TRIM44: variants seen among roughly 807,000 people sequenced by gnomAD.
TRIM44 encodes tripartite motif-containing protein 44.
A neutral mutation model predicts 37.4 loss-of-function variants in TRIM44; 13 were observed. That is an observed-to-expected ratio of 0.35 (90% CI 0.23 to 0.55). The LOEUF (loss-of-function observed/expected upper bound fraction) is 0.55. TRIM44 is among the 20% of genes least tolerant of loss of function. TRIM44 has a pLI of 0.89. For missense variants in TRIM44, 426 were observed against 437.2 expected (o/e 0.97, Z 0.23); for synonymous variants, 175 against 157.2 (o/e 1.11, Z -0.85).
chr11:35,760,923 C>G (rs1852716687), intron 4 of TRIM44, among the ~76,000 whole-genome samples: 1 of 152,112 alleles, frequency 6.6e-6, no homozygotes, highest in Non-Finnish European at 1.5e-5. Context: ...ATTTTATATC[C>G]TTTGGCCAAC....
At chr11:35,781,816 A>G (rs1375485013) in intron 4 of TRIM44, among the ~76,000 whole-genome samples, 1 of 152,234 alleles carries the variant, frequency 6.6e-6, no homozygotes, top group Non-Finnish European at 1.5e-5. Context: ...TTTTAAAATG[A>G]TAAAAGTCAC....
chr11:35,765,028 A>C (rs991422438), intron 4 of TRIM44, among the ~76,000 whole-genome samples: 1 of 152,160 alleles, frequency 6.6e-6, no homozygotes, highest in Admixed American at 6.6e-5. Flanking sequence ...TTCTGACATG[A>C]TATCGAAAGA....
At chr11:35,790,735 A>G (rs1248309770) in intron 4 of TRIM44, among the ~76,000 whole-genome samples, 2 of 152,186 alleles carry the variant, frequency 1.3e-5, no homozygotes, top group Non-Finnish European at 2.9e-5. Context: ...CAGATTTCAT[A>G]TAGTTCAGAC....
At chr11:35,775,303 T>A in intron 4 of TRIM44, among the ~76,000 whole-genome samples, 1 of 152,210 alleles carries the variant, frequency 6.6e-6, no homozygotes, top group Non-Finnish European at 1.5e-5. Flanking sequence ...TGCTTGTGAT[T>A]TTTACACATT....
chr11:35,711,560 G>C (rs1422569974), intron 2 of TRIM44, among the ~76,000 whole-genome samples: 2 of 150,638 alleles, frequency 1.3e-5, no homozygotes, highest in Admixed American at 6.6e-5. Context: ...TTAAAGTGTT[G>C]AGTACATTAA....
In TRIM44 at chr11:35,663,471, G is replaced by C; in HGVS notation, c.360G>C (p.Glu120Asp). The change falls in exon 1 of 5, where the codon GAG becomes GAC. Residue 120 changes from glutamate to aspartate, a missense_variant. Physicochemically the swap from Glu to Asp is conservative, Grantham distance 45. Coordinates refer to ENST00000299413, the MANE Select transcript of TRIM44 (RefSeq NM_017583.6). ...ESETEEESEDESDEESEEDSE... is the reference protein window; with the variant it reads ...ESETEEESEDDSDEESEEDSE... ...AGACAGAGGAAGAGAGTGAGGATGA[G>C]AGCGATGAGGAGAGTGAAGAAGACA... 3 of 1,566,124 alleles carry C rather than the reference G, an allele frequency of 1.9e-6. No homozygotes were observed. Among genetic ancestry groups the C allele is most frequent in the Non-Finnish European group, 1.7e-6 (2 of 1,154,860 alleles).
intron 4 of TRIM44, among the ~76,000 whole-genome samples, chr11:35,754,569 T>A (rs1322663217): frequency 6.6e-6 from 1 of 152,128 alleles, no homozygotes; most frequent in East Asian, 1.9e-4. Context: ...ATTAGTTACA[T>A]GTGTATACAT....
At chr11:35,686,089 C>G (rs1317357228) in intron 2 of TRIM44, among the ~76,000 whole-genome samples, 1 of 152,096 alleles carries the variant, frequency 6.6e-6, no homozygotes, top group Non-Finnish European at 1.5e-5. Flanking sequence ...TACTTTTTTC[C>G]TCATGACCTG....
rs1223003812 is a variant in TRIM44 at position 35,806,969 on chromosome 11, T to G, written c.*584T>G. Reference sequence around the variant, plus strand: ...AAGAGTTAAAGATGAGGAAGAGATATTTTTAGTATATGAAGTTATCCAGGA... The same window carrying G: ...AAGAGTTAAAGATGAGGAAGAGATAGTTTTAGTATATGAAGTTATCCAGGA... On this transcript the variant is annotated 3_prime_UTR_variant, in exon 5 of 5. Transcript: ENST00000299413. 6.6e-6 allele frequency: 1 copy of G among 152,426 alleles called. No individual in the cohort carries two copies. The allele number at this position is 152,426 out of a possible 1,614,324, so 9.4% of individuals were successfully genotyped here.
intron 2 of TRIM44, among the ~76,000 whole-genome samples, chr11:35,704,583 C>G (rs999589183): frequency 2.6e-4 from 40 of 152,152 alleles, no homozygotes; most frequent in African/African-American, 9.2e-4. Context: ...CTCTACAAGC[C>G]AGAAGAGAGT....
intron 4 of TRIM44, among the ~76,000 whole-genome samples, chr11:35,757,690 T>C (rs1036611523): frequency 2.0e-5 from 3 of 152,236 alleles, no homozygotes; most frequent in Non-Finnish European, 2.9e-5. Flanking sequence ...GAGATTCTGG[T>C]ATGCTGTGTC....
intron 2 of TRIM44, among the ~76,000 whole-genome samples, chr11:35,692,167 G>A (rs1449227322): frequency 6.6e-6 from 1 of 152,010 alleles, no homozygotes; most frequent in Admixed American, 6.6e-5. Context: ...TCCTTGCAGT[G>A]GTTTGTAAAC....
Position 35,663,014 on chromosome 11 carries a change from T to G in TRIM44, c.-98T>G, listed in dbSNP as rs565519921. The G allele has an allele frequency of 7.0e-7, 1 of 1,429,408 alleles. No homozygotes were observed. The highest frequency in any genetic ancestry group is 2.5e-5 in the East Asian group (1 of 39,638). The allele number at this position is 1,429,408 out of a possible 1,614,324, so 88.5% of individuals were successfully genotyped here. ...GCGGTCCAGGCGGGAGGCGACTCCC[T>G]AGGAAGGGACCCGGGGCGGGAGGAG... On this transcript the variant is annotated 5_prime_UTR_variant, in exon 1 of 5. Coordinates refer to ENST00000299413, the MANE Select transcript of TRIM44 (RefSeq NM_017583.6).
rs1853458418 is a variant in TRIM44 at position 35,806,847 on chromosome 11, T to C, written c.*462T>C. 2 of 158,444 alleles carry C rather than the reference T, an allele frequency of 1.3e-5. No individual in the cohort carries two copies. The highest frequency in any genetic ancestry group is 1.2e-4 in the Admixed American group (2 of 16,358). 9.8% of individuals were successfully genotyped at this position (158,444 alleles called of 1,614,324 possible). On this transcript the variant is annotated 3_prime_UTR_variant, in exon 5 of 5. Transcript: ENST00000299413. ...TAAATGAGAGCAAGGTAGGGCCAAATTAACTCTTGTGGACAGTCCCTAAAA... is the reference window on the plus strand; with the variant it reads ...TAAATGAGAGCAAGGTAGGGCCAAACTAACTCTTGTGGACAGTCCCTAAAA...
chr11:35,734,894 A>G (rs1852309960), intron 3 of TRIM44, among the ~76,000 whole-genome samples: 2 of 152,236 alleles, frequency 1.3e-5, no homozygotes, highest in Non-Finnish European at 2.9e-5. Flanking sequence ...CCAAGGACAC[A>G]TAACTAATAA....
intron 4 of TRIM44, among the ~76,000 whole-genome samples, chr11:35,796,594 A>G (rs1317237677): frequency 6.6e-6 from 1 of 152,154 alleles, no homozygotes; most frequent in Non-Finnish European, 1.5e-5. Context: ...TTCTGCTTCT[A>G]ACTCTCCACC....
intron 4 of TRIM44, among the ~76,000 whole-genome samples, chr11:35,775,527 AGGGCATCCCTGTCTT>A (rs1021326444): frequency 8.5e-5 from 13 of 152,160 alleles, no homozygotes; most frequent in Non-Finnish European, 1.8e-4. Context: ...GTGGTGAGAG[AGGGCATCCCTGTCTT>A]GTGCCAGTTT....
intron 4 of TRIM44, among the ~76,000 whole-genome samples, chr11:35,771,265 G>A (rs1852865630): frequency 1.3e-5 from 2 of 152,238 alleles, no homozygotes; most frequent in South Asian, 2.1e-4. Context: ...TTGGAAACTG[G>A]CGCAAAGGTG....
At chr11:35,740,784 G>C (rs927084256) in intron 4 of TRIM44, among the ~76,000 whole-genome samples, 4 of 152,112 alleles carry the variant, frequency 2.6e-5, no homozygotes, top group African/African-American at 7.2e-5. Flanking sequence ...CCTCCACCTA[G>C]TTTTGGGGAT....
Sources: gnomAD v4.1 joint callset for allele counts (sites outside exome capture counted in the v4.1 genomes callset) on GRCh38, gnomAD v4.1.1 for gene constraint, MANE v1.5 for transcripts, NCBI Gene and HGNC (gene_info 2026-07-23, HGNC 2026-07-21) for gene names.